Variants in FRMPD4 observed in about 807,000 individuals in gnomAD.
The protein encoded by FRMPD4 is FERM and PDZ domain containing 4, also known as FERM and PDZ domain-containing protein 4.
FRMPD4 carries 22 observed loss-of-function variants against 94.1 expected under a neutral mutation model. That is an observed-to-expected ratio of 0.23 (90% CI 0.17 to 0.33). The LOEUF is 0.33. Among genes scored for constraint, FRMPD4 ranks in the 10% least tolerant of loss-of-function variants. The pLI is 1.00. For missense variants in FRMPD4, 1,111 were observed against 1,339.9 expected, an observed-to-expected ratio of 0.83 and a Z score of 2.67; for synonymous variants, 631 against 548.6, an observed-to-expected ratio of 1.15 and a Z score of -2.10.
intron 3 of FRMPD4, among the ~76,000 whole-genome samples, chrX:12,094,291 C>G (rs1325308752): frequency 8.9e-6 from 1 of 112,371 alleles, no homozygotes; most frequent in Non-Finnish European, 1.9e-5. Context: ...TTAATTAACT[C>G]AACACCCTTG....
chrX:12,080,589 A>T (rs924611255), intron 3 of FRMPD4, among the ~76,000 whole-genome samples: 1 of 112,476 alleles, frequency 8.9e-6, no homozygotes, highest in Non-Finnish European at 1.9e-5. Context: ...GGAAGCAAAA[A>T]AATAAAAACA....
upstream of FRMPD4, among the ~76,000 whole-genome samples, chrX:12,135,276 AG>A (rs1288011998): frequency 9.1e-6 from 1 of 110,292 alleles, no homozygotes; most frequent in Non-Finnish European, 1.9e-5. Flanking sequence ...AGGCAGATCT[AG>A]TTCATGCTAG....
chrX:11,925,415 T>C (rs952169948), intron 3 of FRMPD4, among the ~76,000 whole-genome samples: 1 of 111,888 alleles, frequency 8.9e-6, no homozygotes, highest in Admixed American at 9.5e-5. Context: ...ACCTGATATC[T>C]ACAGAACTCT....
At chrX:12,381,516 T>G (rs959464027) in intron 1 of FRMPD4, among the ~76,000 whole-genome samples, 4 of 111,781 alleles carry the variant, frequency 3.6e-5, no homozygotes, top group Non-Finnish European at 5.7e-5. Context: ...TTAAAGTGTT[T>G]TTTTTGGGGA....
chrX:12,704,544 A>G, intron 11 of FRMPD4, 59 bp downstream of exon 11: 1 of 802,177 alleles, frequency 1.2e-6, no homozygotes, highest in Non-Finnish European at 1.8e-6. Flanking sequence ...TGCATTTTTT[A>G]AATGTTTAAA....
At chrX:12,300,683 G>A (rs1448528321) in intron 1 of FRMPD4, among the ~76,000 whole-genome samples, 1 of 111,987 alleles carries the variant, frequency 8.9e-6, no homozygotes, top group Non-Finnish European at 1.9e-5. Context: ...AGATGCCAGA[G>A]AGCTGCAAGA....
chrX:12,064,061 A>G (rs2054903508), intron 3 of FRMPD4, among the ~76,000 whole-genome samples: 1 of 111,925 alleles, frequency 8.9e-6, no homozygotes, highest in African/African-American at 3.2e-5. Flanking sequence ...ATATGTGCCT[A>G]TCAGTTCAAA....
chrX:12,020,490 T>C (rs1307369062), intron 3 of FRMPD4, among the ~76,000 whole-genome samples: 1 of 111,644 alleles, frequency 9.0e-6, no homozygotes, highest in Non-Finnish European at 1.9e-5. Flanking sequence ...AGGGTTGTCT[T>C]TCTTCCTGCC....
intron 1 of FRMPD4, among the ~76,000 whole-genome samples, chrX:12,285,589 A>G (rs2054589425): frequency 8.9e-6 from 1 of 111,832 alleles, no homozygotes; most frequent in Admixed American, 9.5e-5. Context: ...TCTTGTAGGC[A>G]GGGATATAAA....
chrX:12,376,647 A>G (rs1038168900), intron 1 of FRMPD4, among the ~76,000 whole-genome samples: 9 of 96,847 alleles, frequency 9.3e-5, no homozygotes. Flanking sequence ...GTGCATGTGG[A>G]CACACACACA....
chrX:11,878,765 T>C (rs1006695864), intron 3 of FRMPD4, among the ~76,000 whole-genome samples: 1 of 112,450 alleles, frequency 8.9e-6, no homozygotes, highest in African/African-American at 3.2e-5. Context: ...TTCTGATATT[T>C]AATGCTTTCT....
At chrX:11,833,682 G>A (rs896879955) in intron 1 of FRMPD4, among the ~76,000 whole-genome samples, 41 of 111,760 alleles carry the variant, frequency 3.7e-4, no homozygotes, top group Admixed American at 1.3e-3. Context: ...AAGGTTCGGT[G>A]TGGGTTTTGG....
chrX:12,256,817 C>A (rs2054120417), intron 1 of FRMPD4, among the ~76,000 whole-genome samples: 1 of 111,923 alleles, frequency 8.9e-6, no homozygotes, highest in African/African-American at 3.2e-5. Context: ...GGATAAATAT[C>A]TCTACACACT....
chrX:12,363,519 G>T (rs2056028231), intron 1 of FRMPD4, among the ~76,000 whole-genome samples: 1 of 112,013 alleles, frequency 8.9e-6, no homozygotes, highest in Non-Finnish European at 1.9e-5. Context: ...AGCAGTGGAG[G>T]AAAGCGGAAG....
At chrX:12,316,093 G>A (rs1277828090) in intron 1 of FRMPD4, among the ~76,000 whole-genome samples, 2 of 111,900 alleles carry the variant, frequency 1.8e-5, no homozygotes, top group African/African-American at 6.5e-5. Flanking sequence ...ATACCTCTCA[G>A]GTGTTATTTA....
At chrX:12,663,295 C>G (rs1348497451) in intron 4 of FRMPD4, among the ~76,000 whole-genome samples, 1 of 111,527 alleles carries the variant, frequency 9.0e-6, no homozygotes, top group African/African-American at 3.3e-5. Context: ...TGAATGGTGC[C>G]TGGTTTGCCT....
chrX:11,977,012 A>T (rs1361480303), intron 3 of FRMPD4, among the ~76,000 whole-genome samples: 1 of 111,594 alleles, frequency 9.0e-6, no homozygotes, highest in Non-Finnish European at 1.9e-5. Context: ...GTTTTTTTTT[A>T]AAGTATAATT....
chrX:11,877,597 A>G, intron 2 of FRMPD4, among the ~76,000 whole-genome samples: 1 of 112,028 alleles, frequency 8.9e-6, no homozygotes, highest in Non-Finnish European at 1.9e-5. Context: ...TGTCAGACCT[A>G]ATTGCTGTTT....
chrX:12,637,392 A>ACCAC (rs2059452654), intron 4 of FRMPD4, among the ~76,000 whole-genome samples: 1 of 112,576 alleles, frequency 8.9e-6, no homozygotes, highest in Admixed American at 9.4e-5. Context: ...ACTGGAGGCC[A>ACCAC]GGTGTGGTGG....
Sources: gnomAD v4.1 joint callset for allele counts (sites outside exome capture counted in the v4.1 genomes callset) on GRCh38, gnomAD v4.1.1 for gene constraint, MANE v1.5 for transcripts, NCBI Gene and HGNC (gene_info 2026-07-23, HGNC 2026-07-21) for gene names.